SLC25A21: variants seen among roughly 807,000 people sequenced by gnomAD.
SLC25A21 encodes the protein solute carrier family 25 member 21.
A neutral mutation model predicts 43.8 loss-of-function variants in SLC25A21; 47 were observed. The observed-to-expected ratio is 1.07, with a 90% CI of 0.85 to 1.37. SLC25A21 has a LOEUF of 1.37. SLC25A21 is among the 40% of genes most tolerant of loss of function. SLC25A21 has a pLI of 0.00. For missense variants in SLC25A21, 352 were observed against 350.2 expected (o/e 1.00, Z -0.04); for synonymous variants, 131 against 121.3 (o/e 1.08, Z -0.52).
intron 2 of SLC25A21, among the ~76,000 whole-genome samples, chr14:36,872,511 G>A (rs1445295002): frequency 1.3e-5 from 2 of 152,162 alleles, no homozygotes; most frequent in Non-Finnish European, 2.9e-5. Context: ...CTCTGTTAGT[G>A]CCTAGGTGAT....
intron 1 of SLC25A21, among the ~76,000 whole-genome samples, chr14:36,960,929 C>T (rs910349940): frequency 6.6e-6 from 1 of 152,170 alleles, no homozygotes; most frequent in African/African-American, 2.4e-5. Flanking sequence ...ACAGTATGCA[C>T]AATGACCTAA....
intron 1 of SLC25A21, among the ~76,000 whole-genome samples, chr14:37,150,292 TA>T (rs1229096315): frequency 6.6e-6 from 1 of 152,154 alleles, no homozygotes; most frequent in East Asian, 1.9e-4. Flanking sequence ...TACAAGAAAT[TA>T]TGACATTTAT....
intron 1 of SLC25A21, among the ~76,000 whole-genome samples, chr14:36,881,934 T>C (rs889276974): frequency 1.3e-5 from 2 of 152,226 alleles, no homozygotes; most frequent in African/African-American, 4.8e-5. Context: ...CTATACACAA[T>C]GTTATTATAC....
At chr14:36,847,830 G>A (rs1009844928) in intron 2 of SLC25A21, among the ~76,000 whole-genome samples, 4 of 152,208 alleles carry the variant, frequency 2.6e-5, no homozygotes, top group Non-Finnish European at 1.5e-5. Context: ...TGTACAGGAT[G>A]TTTCTAGGCA....
intron 2 of SLC25A21, among the ~76,000 whole-genome samples, chr14:36,824,503 T>G (rs1383527382): frequency 1.3e-5 from 2 of 152,154 alleles, no homozygotes; most frequent in Non-Finnish European, 2.9e-5. Context: ...TATATCACTT[T>G]CAATGTTGAG....
intron 1 of SLC25A21, among the ~76,000 whole-genome samples, chr14:36,912,441 T>C (rs1267890218): frequency 6.6e-6 from 1 of 152,140 alleles, no homozygotes. Flanking sequence ...TCTGCTACAA[T>C]TGGTGCTGCT....
At chr14:36,705,946 C>G (rs916903166) in intron 7 of SLC25A21, among the ~76,000 whole-genome samples, 1 of 152,184 alleles carries the variant, frequency 6.6e-6, no homozygotes, top group Non-Finnish European at 1.5e-5. Flanking sequence ...TTTATAACAA[C>G]TTGATGACGT....
chr14:37,145,328 G>A (rs1282782898), intron 1 of SLC25A21, among the ~76,000 whole-genome samples: 1 of 151,706 alleles, frequency 6.6e-6, no homozygotes, highest in Non-Finnish European at 1.5e-5. Flanking sequence ...TCAAACTCCT[G>A]GGCTCAAGCA....
At chr14:37,051,223 C>T (rs1271440600) in intron 1 of SLC25A21, among the ~76,000 whole-genome samples, 2 of 152,080 alleles carry the variant, frequency 1.3e-5, no homozygotes, top group Non-Finnish European at 1.5e-5. Context: ...AAGAAGTATT[C>T]CAGAATTCTA....
rs576560349 is a variant in SLC25A21, at chr14:36,793,134, A to C, written c.203+20784T>G. 3.3e-5 allele frequency among the ~76,000 whole-genome samples: 5 copies of C among 152,334 alleles called. No homozygotes were observed. In the South Asian group the frequency reaches 1.0e-3, roughly 32 times the overall value. On this transcript the variant is annotated intron_variant, in intron 3 of 9. Transcript: ENST00000331299. The stretch of plus-strand genomic sequence containing the variant: ...ATAGGTGCACATGTTTAGTACGAAC[A>C]AAGCTAAAAGCTCTGACTACAAACA...
intron 1 of SLC25A21, among the ~76,000 whole-genome samples, chr14:37,158,377 T>G (rs1052571982): frequency 6.6e-6 from 1 of 151,962 alleles, no homozygotes; most frequent in Non-Finnish European, 1.5e-5. Context: ...AAAAAGATAA[T>G]ACACCATTAT....
At chr14:37,094,315 C>T (rs1053429723) in intron 1 of SLC25A21, among the ~76,000 whole-genome samples, 1 of 152,126 alleles carries the variant, frequency 6.6e-6, no homozygotes, top group Admixed American at 6.6e-5. Flanking sequence ...CAATCAGACA[C>T]AAAAAGGTGC....
At chr14:36,681,329 T>C (rs1013971223) in intron 9 of SLC25A21, among the ~76,000 whole-genome samples, 5 of 152,170 alleles carry the variant, frequency 3.3e-5, no homozygotes, top group Middle Eastern at 3.2e-3. Context: ...ACTTGAAAAT[T>C]TGGTAGTGGG....
At chr14:36,790,766 C>T (rs1338720957) in intron 3 of SLC25A21, among the ~76,000 whole-genome samples, 4 of 152,074 alleles carry the variant, frequency 2.6e-5, no homozygotes, top group Admixed American at 6.6e-5. Flanking sequence ...GTGATGATTG[C>T]TCTATATTTT....
chr14:36,731,736 C>T (rs907487605), intron 4 of SLC25A21, among the ~76,000 whole-genome samples: 12 of 152,168 alleles, frequency 7.9e-5, no homozygotes, highest in South Asian at 6.2e-4. Flanking sequence ...CAGGCGTGCA[C>T]TGGTCAATAC....
chr14:36,797,480 A>C (rs1337993172), intron 3 of SLC25A21, among the ~76,000 whole-genome samples: 7 of 152,354 alleles, frequency 4.6e-5, no homozygotes, highest in African/African-American at 1.4e-4. Flanking sequence ...AAAAAATTCA[A>C]GAGCTCTTCT....
At chr14:36,770,039 T>C (rs1788570216) in intron 3 of SLC25A21, among the ~76,000 whole-genome samples, 1 of 152,128 alleles carries the variant, frequency 6.6e-6, no homozygotes, top group Non-Finnish European at 1.5e-5. Flanking sequence ...CCCCAGTCAA[T>C]GGGCTCTAGT....
chr14:37,105,700 C>T (rs989491622), intron 1 of SLC25A21, among the ~76,000 whole-genome samples: 2 of 151,948 alleles, frequency 1.3e-5, no homozygotes, highest in Admixed American at 1.3e-4. Flanking sequence ...ATGGAGATCA[C>T]TTATCATAAA....
intron 2 of SLC25A21, among the ~76,000 whole-genome samples, chr14:36,850,839 C>A (rs1889706150): frequency 6.6e-6 from 1 of 152,134 alleles, no homozygotes; most frequent in African/African-American, 2.4e-5. Flanking sequence ...TATGCTCCGT[C>A]CAACCCCATC....
Sources: allele counts gnomAD v4.1 joint callset (sites outside exome capture counted in the v4.1 genomes callset), GRCh38; gene constraint gnomAD v4.1.1; transcripts MANE v1.5; gene names NCBI Gene and HGNC (gene_info 2026-07-23, HGNC 2026-07-21).